Variants in TMEM87A observed in about 807,000 individuals in gnomAD.
TMEM87A encodes transmembrane protein 87A, also known as Golgi-pH regulating cation channel.
In TMEM87A, 50 loss-of-function variants were observed where a neutral mutation model predicts 90.0. The ratio of observed to expected loss-of-function variants is 0.56; its 90% CI spans 0.44 to 0.70. The LOEUF (loss-of-function observed/expected upper bound fraction) is 0.70. TMEM87A is among the 30% of genes least tolerant of loss of function. The pLI is 0.00. For missense variants in TMEM87A, 577 were observed against 660.5 expected, an observed-to-expected ratio of 0.87 and a Z score of 1.39; for synonymous variants, 226 against 226.7, an observed-to-expected ratio of 1.00 and a Z score of 0.03.
chr15:42,268,004 CAA>C lies in TMEM87A; in HGVS notation c.232_233del (p.Leu78GlufsTer10), dbSNP rs1351123619. The C allele has an allele frequency of 1.2e-6, 2 of 1,613,124 alleles. No homozygotes were observed. The highest frequency in any genetic ancestry group is 1.7e-6 in the Non-Finnish European group (2 of 1,179,614). On this transcript the variant is annotated frameshift_variant, in exon 3 of 20. Transcript: ENST00000389834. LOFTEE classifies it high-confidence loss of function. ...CGCTTTTCAGATACCAGGTTATATT[CAA>C]AGACAGGTCACAAGGTTCTCCATCA... ...KFDGEPCDLS[L>X]NITWYLKSAD...
chr15:42,239,728 G>A lies in TMEM87A; in HGVS notation c.626C>T (p.Thr209Ile), dbSNP rs1042966289. The A allele has an allele frequency of 1.9e-6, 3 of 1,613,300 alleles. No homozygotes were observed. The African/African-American group carries it at 4.0e-5, about 22-fold the overall frequency. The change falls in exon 8 of 20, where the codon ACT (threonine) becomes ATT (isoleucine). Residue 209 changes from threonine to isoleucine, a missense_variant. By Grantham distance (89) the Thr-to-Ile change is moderately conservative. Coordinates refer to ENST00000389834, the MANE Select transcript of TMEM87A (RefSeq NM_015497.5). Reference protein sequence around the residue: ...ENSLSNLFTMTVEVKGPYEYL... With the variant: ...ENSLSNLFTMIVEVKGPYEYL... ...TTCATAGGGACCCTTCACTTCAACA[G>A]TCACTGCCAAAACAGAGTCCTCAGA...
At chr15:42,239,456 C>T (rs568176236) in intron 8 of TMEM87A, among the ~76,000 whole-genome samples, 1 of 152,254 alleles carries the variant, frequency 6.6e-6, no homozygotes, top group East Asian at 1.9e-4. Context: ...AGGTCACTGA[C>T]CCCTTCATTA....
intron 15 of TMEM87A, among the ~76,000 whole-genome samples, chr15:42,222,890 G>T (rs1387899771): frequency 1.3e-5 from 2 of 152,060 alleles, no homozygotes; most frequent in African/African-American, 4.8e-5. Context: ...AGTCATTAGA[G>T]AATAATTTTT....
chr15:42,255,841 C>A (rs2051169489), intron 6 of TMEM87A, among the ~76,000 whole-genome samples: 1 of 150,934 alleles, frequency 6.6e-6, no homozygotes, highest in Admixed American at 6.6e-5. Context: ...ACGATCTTGG[C>A]TCAATGTAAT....
At chr15:42,264,053 C>A in intron 4 of TMEM87A, 37 bp downstream of exon 4, 1 of 1,518,298 alleles carries the variant, frequency 6.6e-7, no homozygotes, top group African/African-American at 1.4e-5. Flanking sequence ...CCAATTTTTG[C>A]CTATTCTATT....
At chr15:42,239,526 T>A in intron 8 of TMEM87A, 144 bp downstream of exon 8, 1 of 709,846 alleles carries the variant, frequency 1.4e-6, no homozygotes, top group Non-Finnish European at 2.5e-6. Flanking sequence ...CCCAGTCTAA[T>A]AAGAAATAAA....
Position 42,261,178 on chromosome 15 carries a change from T to C in TMEM87A, c.459+18A>G, listed in dbSNP as rs1289546504. ...AGTTTTTACTGCACTCTCAGAAATA[T>C]ATAATGAAAACAATTACCTCCTGTT... On this transcript the variant is annotated intron_variant, in intron 5 of 19. Coordinates refer to ENST00000389834, the MANE Select transcript of TMEM87A (RefSeq NM_015497.5). 3 of 1,611,448 alleles carry C rather than the reference T, an allele frequency of 1.9e-6. No homozygotes were observed. The highest frequency in any genetic ancestry group is 1.7e-5 in the Admixed American group (1 of 59,668).
chr15:42,214,534 G>A (rs967920254), intron 19 of TMEM87A, among the ~76,000 whole-genome samples: 2 of 152,116 alleles, frequency 1.3e-5, no homozygotes, highest in Admixed American at 1.3e-4. Flanking sequence ...CACATACATG[G>A]TCAACTGATC....
chr15:42,236,957 A>C (rs1258055774), intron 9 of TMEM87A, among the ~76,000 whole-genome samples: 1 of 152,204 alleles, frequency 6.6e-6, no homozygotes. Context: ...GTATAAAACA[A>C]CTTCTGTCAT....
At chr15:42,225,286 C>T (rs890828593) in intron 15 of TMEM87A, among the ~76,000 whole-genome samples, 12 of 117,334 alleles carry the variant, frequency 1.0e-4, no homozygotes, top group South Asian at 6.0e-4. Flanking sequence ...AGCTCTTAAC[C>T]GTCTAAATGC....
intron 10 of TMEM87A, among the ~76,000 whole-genome samples, chr15:42,236,088 T>C (rs2050764352): frequency 6.6e-6 from 1 of 152,196 alleles, no homozygotes; most frequent in South Asian, 2.1e-4. Flanking sequence ...TGGAATACAT[T>C]TGGACTTGGA....
In TMEM87A at chr15:42,234,543, A is replaced by G. The variant is rs370899097; in HGVS notation, c.969-1237T>C. On this transcript the variant is annotated intron_variant, in intron 10 of 19. Transcript: ENST00000389834. ...TAAGTTTTAAGAATTAAAATTCCCCATATCTCTAATCCCATTTAAAGCAAA... is the reference window on the plus strand; with the variant it reads ...TAAGTTTTAAGAATTAAAATTCCCCGTATCTCTAATCCCATTTAAAGCAAA... Among the ~76,000 whole-genome samples the G allele has an allele frequency of 9.8e-5, 15 of 152,338 alleles. No individual in the cohort carries two copies. The East Asian group carries it at 2.5e-3, about 25-fold the overall frequency.
chr15:42,233,354 G>T (rs772928039), intron 10 of TMEM87A, 48 bp from the exon 11 acceptor site: 1 of 1,425,066 alleles, frequency 7.0e-7, no homozygotes, highest in African/African-American at 1.4e-5. Context: ...GACAAATGCC[G>T]AAACAAGCTA....
chr15:42,265,301 G>A (rs2051381133), intron 3 of TMEM87A, among the ~76,000 whole-genome samples: 1 of 152,156 alleles, frequency 6.6e-6, no homozygotes, highest in Non-Finnish European at 1.5e-5. Flanking sequence ...TTCCACAGTG[G>A]TTGAACTAAT....
chr15:42,213,968 C>T (rs758753246), intron 19 of TMEM87A, among the ~76,000 whole-genome samples: 1 of 152,094 alleles, frequency 6.6e-6, no homozygotes, highest in African/African-American at 2.4e-5. Context: ...GTTCAACGAA[C>T]TCAGGAGAAC....
intron 6 of TMEM87A, among the ~76,000 whole-genome samples, chr15:42,259,272 A>G (rs2051242664): frequency 6.6e-6 from 1 of 152,088 alleles, no homozygotes. Context: ...ACAGGCGTGC[A>G]CCACCACACC....
Position 42,226,836 on chromosome 15 carries a change from A to T in TMEM87A, c.1373T>A (p.Val458Asp). The change falls in exon 15 of 20, where the codon GTT becomes GAT. Residue 458 changes from valine (V) to aspartate (D), a missense_variant. Transcript: ENST00000389834. ...GTTGTTTGCAGATGGTCGCCAGAGA[A>T]CCATGATGACAAAGAGGATCATGGA... The part of the protein sequence containing the change: ...LFSMILFVIM[V>D]LWRPSANNQR... 6.2e-7 allele frequency: 1 copy of T among 1,614,086 alleles called. No homozygotes were observed. Among genetic ancestry groups the T allele is most frequent in the Non-Finnish European group, 8.5e-7 (1 of 1,180,022 alleles).
At chr15:42,273,523 G>T (rs919364524), upstream of TMEM87A, 5 of 1,466,502 alleles carry the variant, frequency 3.4e-6, no homozygotes, top group Non-Finnish European at 4.5e-6. Context: ...CTTGTTTGCT[G>T]TGCGGCGTAG....
At chr15:42,221,265 C>CAGACAGAGAG (rs1491577357) in intron 15 of TMEM87A, among the ~76,000 whole-genome samples, 2 of 146,356 alleles carry the variant, frequency 1.4e-5, no homozygotes, top group African/African-American at 5.4e-5. Context: ...AAAGGAGAGA[C>CAGACAGAGAG]AGAGACAGAG....
Sources: allele counts gnomAD v4.1 joint callset (sites outside exome capture counted in the v4.1 genomes callset), GRCh38; gene constraint gnomAD v4.1.1; transcripts MANE v1.5; gene names NCBI Gene and HGNC (gene_info 2026-07-23, HGNC 2026-07-21).